CTNNA3: variants seen among roughly 807,000 people sequenced by gnomAD.
The protein encoded by CTNNA3 is catenin alpha-3.
In CTNNA3, 76 loss-of-function variants were observed where a neutral mutation model predicts 95.7. The observed-to-expected ratio is 0.79, with a 90% CI of 0.66 to 0.96. CTNNA3 has a LOEUF of 0.96. Ranked by LOEUF, CTNNA3 falls within the 40% of genes least tolerant of loss-of-function variation. CTNNA3 has a pLI of 0.00. For synonymous variants in CTNNA3, 431 were observed against 374.4 expected, an observed-to-expected ratio of 1.15 and a Z score of -1.74; for missense variants, 1,191 against 1,089.8, an observed-to-expected ratio of 1.09 and a Z score of -1.31.
At position 66,773,473 on chromosome 10, in the gene CTNNA3, C is replaced by T. The variant is rs1840176035; in HGVS notation, c.1128+1971G>A. Reference sequence around the variant, plus strand: ...GAAGCCACATGGAGAGGCCCTAAAACATTAGGCACCGTATCGAGAGAGGGA... The same window carrying T: ...GAAGCCACATGGAGAGGCCCTAAAATATTAGGCACCGTATCGAGAGAGGGA... On this transcript the variant is annotated intron_variant, in intron 8 of 17. Transcript: ENST00000433211. Among the ~76,000 whole-genome samples, 3 of 152,168 alleles carry T rather than the reference C, an allele frequency of 2.0e-5. No individual in the cohort carries two copies. The South Asian group carries it at 6.2e-4, about 32-fold the overall frequency.
chr10:67,641,396 TA>T (rs1463744995), intron 2 of CTNNA3, among the ~76,000 whole-genome samples: 1 of 151,400 alleles, frequency 6.6e-6, no homozygotes, highest in Non-Finnish European at 1.5e-5. Flanking sequence ...GGAACACTTT[TA>T]CACTATTGGT....
chr10:66,233,713 G>T (rs1352050209), intron 13 of CTNNA3, among the ~76,000 whole-genome samples: 1 of 152,064 alleles, frequency 6.6e-6, no homozygotes, highest in African/African-American at 2.4e-5. Context: ...TTTCACTTCT[G>T]GTGGATTAAA....
intron 7 of CTNNA3, among the ~76,000 whole-genome samples, chr10:67,044,153 A>G (rs1012079532): frequency 2.0e-5 from 3 of 151,918 alleles, no homozygotes; most frequent in Non-Finnish European, 2.9e-5. Context: ...GTTCACATGT[A>G]CCCCATGGCT....
At chr10:66,417,724 A>G (rs75653433) in intron 11 of CTNNA3, among the ~76,000 whole-genome samples, 2,315 of 152,096 alleles carry the variant, frequency 0.015, 75 homozygotes, top group African/African-American at 0.053. Flanking sequence ...TACCAAAAAG[A>G]AACTTGGAAA....
chr10:67,558,744 G>A (rs1241247525), intron 3 of CTNNA3, among the ~76,000 whole-genome samples: 20 of 152,238 alleles, frequency 1.3e-4, no homozygotes. Flanking sequence ...CAAAGAAAGG[G>A]GTGACAGATG....
chr10:66,282,639 A>G (rs759667121), intron 12 of CTNNA3, among the ~76,000 whole-genome samples: 6 of 151,788 alleles, frequency 4.0e-5, no homozygotes, highest in Admixed American at 6.6e-5. Flanking sequence ...CATCCACAGC[A>G]TAGTTCTTCC....
At chr10:67,233,062 C>A (rs998819656) in intron 5 of CTNNA3, among the ~76,000 whole-genome samples, 6 of 152,072 alleles carry the variant, frequency 3.9e-5, no homozygotes, top group South Asian at 2.1e-4. Context: ...AATAATAATG[C>A]GAGACTTTAA....
intron 11 of CTNNA3, among the ~76,000 whole-genome samples, chr10:66,405,287 T>C (rs2093048527): frequency 6.6e-6 from 1 of 152,134 alleles, no homozygotes; most frequent in Non-Finnish European, 1.5e-5. Context: ...GGTTGTGGTG[T>C]TAAATTATGT....
intron 7 of CTNNA3, among the ~76,000 whole-genome samples, chr10:67,028,447 A>T (rs1038720123): frequency 1.4e-5 from 2 of 147,356 alleles, no homozygotes; most frequent in Non-Finnish European, 3.0e-5. Context: ...AGTCTTTATT[A>T]AAAAAAAAAA....
At chr10:66,086,606 C>T (rs1175205730) in intron 14 of CTNNA3, among the ~76,000 whole-genome samples, 2 of 152,064 alleles carry the variant, frequency 1.3e-5, no homozygotes, top group East Asian at 3.9e-4. Context: ...GAAAAAATTA[C>T]CACAAAAAAC....
intron 12 of CTNNA3, among the ~76,000 whole-genome samples, chr10:66,287,742 T>G (rs1364202149): frequency 6.6e-6 from 1 of 152,030 alleles, no homozygotes; most frequent in African/African-American, 2.4e-5. Context: ...ATCCAACCAA[T>G]CCATCAGTTA....
At chr10:67,731,719 G>A (rs1393073679) in intron 1 of CTNNA3, among the ~76,000 whole-genome samples, 2 of 147,580 alleles carry the variant, frequency 1.4e-5, no homozygotes, top group African/African-American at 5.0e-5. Flanking sequence ...GGAAAATGGC[G>A]TGAACCCGGG....
At chr10:67,451,583 T>C (rs528863523) in intron 5 of CTNNA3, among the ~76,000 whole-genome samples, 1 of 152,328 alleles carries the variant, frequency 6.6e-6, no homozygotes, top group East Asian at 1.9e-4. Context: ...AAGCAGGTTC[T>C]GGCTCTTATC....
intron 13 of CTNNA3, among the ~76,000 whole-genome samples, chr10:66,231,263 A>G (rs1022210530): frequency 6.6e-6 from 1 of 152,126 alleles, no homozygotes; most frequent in Non-Finnish European, 1.5e-5. Flanking sequence ...CTTGGCTTGC[A>G]GACAATCCTG....
chr10:66,741,634 C>T (rs1849329074), intron 9 of CTNNA3, among the ~76,000 whole-genome samples: 1 of 152,164 alleles, frequency 6.6e-6, no homozygotes, highest in Admixed American at 6.5e-5. Context: ...TTCTACTGCA[C>T]ATTCACTAGC....
intron 10 of CTNNA3, among the ~76,000 whole-genome samples, chr10:66,610,984 G>A (rs1023618789): frequency 9.9e-5 from 15 of 152,096 alleles, no homozygotes; most frequent in African/African-American, 3.6e-4. Flanking sequence ...ACAAAAAAAT[G>A]AAATCCTGTC....
intron 7 of CTNNA3, among the ~76,000 whole-genome samples, chr10:67,039,428 G>A (rs565409421): frequency 2.6e-5 from 4 of 152,178 alleles, no homozygotes; most frequent in South Asian, 2.1e-4. Flanking sequence ...AAGTACATTC[G>A]AATGTTCAGA....
rs2076987623 is a variant in CTNNA3, at chr10:65,914,885, G to C, written c.*5445C>G. 1 of 152,126 alleles carries C rather than the reference G, an allele frequency of 6.6e-6. No individual in the cohort carries two copies. Among genetic ancestry groups the C allele is most frequent in the Non-Finnish European group, 1.5e-5 (1 of 68,026 alleles). 9.4% of individuals were successfully genotyped at this position (152,126 alleles called of 1,614,324 possible). A position where few individuals can be genotyped will look rare whatever the true frequency, so the allele number is the denominator to read the frequency against. ...AGCTAATTATATATCTGTCTTGAAT[G>C]ATGTAAAATATATATTAATATTTTA... On this transcript the variant is annotated 3_prime_UTR_variant, in exon 18 of 18. Coordinates refer to ENST00000433211, the MANE Select transcript of CTNNA3 (RefSeq NM_013266.4).
chr10:67,393,761 T>C (rs1844607133), intron 5 of CTNNA3, among the ~76,000 whole-genome samples: 1 of 152,170 alleles, frequency 6.6e-6, no homozygotes, highest in African/African-American at 2.4e-5. Context: ...GTTTCTGTAC[T>C]AGTTGGAGTG....
Sources: gnomAD v4.1 joint callset for allele counts (sites outside exome capture counted in the v4.1 genomes callset) on GRCh38, gnomAD v4.1.1 for gene constraint, MANE v1.5 for transcripts, NCBI Gene and HGNC (gene_info 2026-07-23, HGNC 2026-07-21) for gene names.